USP33: variants seen among roughly 807,000 people sequenced by gnomAD.
USP33 encodes the protein ubiquitin specific peptidase 33.
A neutral mutation model predicts 124.2 loss-of-function variants in USP33; 46 were observed. That is an observed-to-expected ratio of 0.37 (90% CI 0.29 to 0.47). The LOEUF is 0.47. Ranked by LOEUF, USP33 falls within the 20% of genes least tolerant of loss-of-function variation. The pLI is 0.99. For missense variants in USP33, 851 were observed against 1,070.6 expected (o/e 0.79, Z 2.86); for synonymous variants, 350 against 352.3 (o/e 0.99, Z 0.07).
intron 15 of USP33, 96 bp from the exon 16 acceptor site, chr1:77,718,737 C>A: frequency 1.0e-6 from 1 of 978,112 alleles, no homozygotes; most frequent in Admixed American, 2.2e-5. Context: ...GAGATCCAGC[C>A]TGGCAAACAT....
At chr1:77,728,996 C>T (rs964139729) in intron 9 of USP33, among the ~76,000 whole-genome samples, 1 of 152,116 alleles carries the variant, frequency 6.6e-6, no homozygotes, top group Non-Finnish European at 1.5e-5. Context: ...ATCCCCCAGG[C>T]TCAAGCAATT....
Position 77,759,803 on chromosome 1 carries a change from T to C in USP33, c.-212A>G. 2.5e-6 allele frequency: 1 copy of C among 397,426 alleles called. No homozygotes were observed. Among genetic ancestry groups the C allele is most frequent in the African/African-American group, 2.1e-5 (1 of 48,654 alleles). 24.6% of individuals were successfully genotyped at this position (397,426 alleles called of 1,614,324 possible). Reference sequence around the variant, plus strand: ...CAGCGCTGCCCTCGGGGGGTCCGCCTCCTGAACTGGCCACTTCCCGCAGCA... The same window carrying C: ...CAGCGCTGCCCTCGGGGGGTCCGCCCCCTGAACTGGCCACTTCCCGCAGCA... On this transcript the variant is annotated 5_prime_UTR_variant, in exon 1 of 24. Coordinates refer to ENST00000370794, the MANE Select transcript of USP33 (RefSeq NM_201624.3).
chr1:77,697,183 C>T lies in USP33; in HGVS notation c.*134G>A. 2.4e-6 allele frequency: 2 copies of T among 837,424 alleles called. No homozygotes were observed. Among genetic ancestry groups the T allele is most frequent in the South Asian group, 4.9e-5 (2 of 40,850 alleles). The allele number at this position is 837,424 out of a possible 1,614,324, so 51.9% of individuals were successfully genotyped here. ...TTAATATATTCTTCCATAATGCCCACTAAGAAGAAATAAATGGGATAAATG... is the reference window on the plus strand; with the variant it reads ...TTAATATATTCTTCCATAATGCCCATTAAGAAGAAATAAATGGGATAAATG... On this transcript the variant is annotated 3_prime_UTR_variant, in exon 24 of 24. Coordinates refer to ENST00000370794, the MANE Select transcript of USP33 (RefSeq NM_201624.3).
chr1:77,716,628 T>A (rs1226444090), intron 17 of USP33, among the ~76,000 whole-genome samples: 1 of 152,088 alleles, frequency 6.6e-6, no homozygotes, highest in African/African-American at 2.4e-5. Flanking sequence ...ACCCGGTAAA[T>A]CAAAGGTTAG....
At position 77,697,412 on chromosome 1, in the gene USP33, C is replaced by G; in HGVS notation, c.2641G>C (p.Gly881Arg). 1 of 1,613,126 alleles carries G rather than the reference C, an allele frequency of 6.2e-7. No individual in the cohort carries two copies. ...WNFLQSIYGG[G>R]PEVILRPPVV... is the part of the protein sequence containing the mutation. ...GGAGGTCGCAGGATAACTTCAGGCC[C>G]TCCACCATAAATAGACTGCAGAAAA... The change falls in exon 24 of 24, where the codon GGG becomes CGG. Residue 881 changes from glycine (G) to arginine (R), a missense_variant. Physicochemically the swap from Gly to Arg is moderately radical, Grantham distance 125 (BLOSUM62 -2). Coordinates refer to ENST00000370794, the MANE Select transcript of USP33 (RefSeq NM_201624.3).
chr1:77,713,388 T>C (rs929573578), intron 19 of USP33, 107 bp from the exon 20 acceptor site: 20 of 958,332 alleles, frequency 2.1e-5, no homozygotes, highest in Non-Finnish European at 2.9e-5. Context: ...TCAATCATCA[T>C]TGTTTTTTTA....
At chr1:77,719,209 A>C (rs1279809468) in intron 15 of USP33, among the ~76,000 whole-genome samples, 2 of 151,892 alleles carry the variant, frequency 1.3e-5, no homozygotes, top group Non-Finnish European at 2.9e-5. Context: ...AATACAAAAA[A>C]TTAGCCGGGC....
At chr1:77,701,569 T>G in intron 21 of USP33, 98 bp from the exon 22 acceptor site, 2 of 996,442 alleles carry the variant, frequency 2.0e-6, no homozygotes. Context: ...ACTCAGCACT[T>G]TGGGAGGCTG....
At chr1:77,751,297 C>T (rs1375623748) in intron 1 of USP33, among the ~76,000 whole-genome samples, 1 of 152,186 alleles carries the variant, frequency 6.6e-6, no homozygotes, top group Non-Finnish European at 1.5e-5. Context: ...AACGACTGCA[C>T]TCACGCTCTA....
intron 21 of USP33, among the ~76,000 whole-genome samples, chr1:77,707,378 C>T (rs1277588095): frequency 2.0e-5 from 3 of 152,184 alleles, no homozygotes; most frequent in Non-Finnish European, 4.4e-5. Flanking sequence ...ATTTTCACCT[C>T]TTCTCTGCGT....
chr1:77,756,136 G>A (rs1166246525), intron 1 of USP33, among the ~76,000 whole-genome samples: 2 of 151,984 alleles, frequency 1.3e-5, no homozygotes, highest in Non-Finnish European at 2.9e-5. Flanking sequence ...GAAATGGGAG[G>A]CTCTCTATAT....
intron 21 of USP33, among the ~76,000 whole-genome samples, chr1:77,705,275 A>G (rs1674500352): frequency 6.6e-6 from 1 of 151,616 alleles, no homozygotes; most frequent in African/African-American, 2.4e-5. Flanking sequence ...GCTCACTGCA[A>G]TCTCCACCTC....
At position 77,725,622 on chromosome 1, in the gene USP33, C is replaced by T; in HGVS notation, c.1276G>A (p.Ala426Thr). 6.2e-7 allele frequency: 1 copy of T among 1,613,560 alleles called. No homozygotes were observed. The highest frequency in any genetic ancestry group is 1.1e-5 in the South Asian group (1 of 90,968). The change falls in exon 11 of 24, where the codon GCT (alanine) becomes ACT (threonine). Residue 426 changes from alanine (A) to threonine (T), a missense_variant and splice_region_variant. Physicochemically the swap from Ala to Thr is moderately conservative, Grantham distance 58. This residue lies in a region of USP33 where 207 missense variants were observed against 200.9 expected (regional missense o/e 1.03). Transcript: ENST00000370794. Reference protein sequence around the residue: ...WPGLAPPHKKAQSASPKRKKQ... With the variant: ...WPGLAPPHKKTQSASPKRKKQ... ...AGACTGAATAAGAGAAACGTTTTAC[C>T]TTTTTTGTGTGGTGGTGCCAATCCT...
chr1:77,701,450 CT>C lies in USP33; in HGVS notation c.2427del (p.Glu810ArgfsTer22). ...CAATAAAAAGTAGCTGGAGAGTCCTCTTTTTGGAACGCTCTGTTAAGCTACA... is the reference window on the plus strand; with the variant it reads ...CAATAAAAAGTAGCTGGAGAGTCCTCTTTTGGAACGCTCTGTTAAGCTACA... ...IFIRLNRAFQ[K>X]EDSPATFYCI... On this transcript the variant is annotated frameshift_variant, in exon 22 of 24. Coordinates refer to ENST00000370794, the MANE Select transcript of USP33 (RefSeq NM_201624.3). LOFTEE classifies it high-confidence loss of function. 6.2e-7 allele frequency: 1 copy of C among 1,612,558 alleles called. No homozygotes were observed.
chr1:77,717,362 C>T (rs954424670), intron 17 of USP33, among the ~76,000 whole-genome samples: 23 of 151,756 alleles, frequency 1.5e-4, no homozygotes, highest in Non-Finnish European at 2.5e-4. Context: ...TGGTGGCAGG[C>T]GCCTGTAGTC....
At chr1:77,732,625 T>C (rs1271658539) in intron 7 of USP33, among the ~76,000 whole-genome samples, 1 of 152,080 alleles carries the variant, frequency 6.6e-6, no homozygotes, top group East Asian at 1.9e-4. Context: ...AGCCCTATGA[T>C]TACTGTACCC....
At position 77,731,528 on chromosome 1, in the gene USP33, C is replaced by T. The variant is rs558697180; in HGVS notation, c.525-797G>A. Among the ~76,000 whole-genome samples, 7 of 151,806 alleles carry T rather than the reference C, an allele frequency of 4.6e-5. No individual in the cohort carries two copies. In the South Asian group the frequency reaches 1.5e-3, roughly 32 times the overall value. On this transcript the variant is annotated intron_variant, in intron 7 of 23. Coordinates refer to ENST00000370794, the MANE Select transcript of USP33 (RefSeq NM_201624.3). ...GATAACTACTAAGTCATCTCTTTGC[C>T]AAGTGTAATCTTTTTTTTTTTTTTG...
At chr1:77,711,437 G>C (rs1675238170) in intron 21 of USP33, 1 of 190,164 alleles carries the variant, frequency 5.3e-6, no homozygotes, top group South Asian at 1.3e-4. Context: ...TGAGGCAGGA[G>C]AATTGCTTGA....
rs1380973559 is a variant in USP33, at chr1:77,739,513, T to C, written c.199-96A>G. The C allele has an allele frequency of 3.3e-6, 4 of 1,221,138 alleles. No individual in the cohort carries two copies. The South Asian group carries it at 5.7e-5, about 17-fold the overall frequency. 75.6% of individuals were successfully genotyped at this position (1,221,138 alleles called of 1,614,324 possible). A position where few individuals can be genotyped will look rare whatever the true frequency, so the allele number is the denominator to read the frequency against. On this transcript the variant is annotated intron_variant, in intron 4 of 23. Transcript: ENST00000370794. Reference sequence around the variant, plus strand: ...ATAACAGAAGATAAACTGCTTGCCTTTGATGAGTAACAATATACTCAAAAG... The same window carrying C: ...ATAACAGAAGATAAACTGCTTGCCTCTGATGAGTAACAATATACTCAAAAG...
Sources: allele counts gnomAD v4.1 joint callset (sites outside exome capture counted in the v4.1 genomes callset), GRCh38; gene constraint gnomAD v4.1.1; regional missense constraint gnomAD v4.1.1; transcripts MANE v1.5; gene names NCBI Gene and HGNC (gene_info 2026-07-23, HGNC 2026-07-21).